The following CLEC2A variants were observed in gnomAD, a reference collection of about 807,000 sequenced individuals.
The protein encoded by CLEC2A is C-type lectin domain family 2 member A.
CLEC2A carries 19 observed loss-of-function variants against 18.6 expected under a neutral mutation model. The observed-to-expected ratio is 1.02, with a 90% CI of 0.71 to 1.50. CLEC2A has a LOEUF of 1.50. Ranked by LOEUF, CLEC2A falls within the 40% of genes most tolerant of loss-of-function variation. The probability of loss-of-function intolerance (pLI) is 0.00; values close to 1 mark genes in which losing one functional copy is unlikely to be tolerated. For synonymous variants in CLEC2A, 74 were observed against 64.0 expected, an observed-to-expected ratio of 1.16 and a Z score of -0.75; for missense variants, 190 against 207.9, an observed-to-expected ratio of 0.91 and a Z score of 0.53.
chr12:9,881,089 A>G, the CLEC2A span, among the ~76,000 whole-genome samples: 5 of 152,160 alleles, frequency 3.3e-5, no homozygotes, highest in African/African-American at 2.4e-5. Context: ...TTATTTTCCT[A>G]TTTTTGTCCC....
the CLEC2A span, among the ~76,000 whole-genome samples, chr12:9,884,087 G>C: frequency 1.3e-4 from 20 of 151,980 alleles, no homozygotes; most frequent in African/African-American, 4.8e-4. Flanking sequence ...GCATATAAAA[G>C]GAACCTGTCA....
downstream of CLEC2A, among the ~76,000 whole-genome samples, chr12:9,911,191 G>A (rs1481902994): frequency 2.0e-5 from 3 of 152,172 alleles, no homozygotes; most frequent in East Asian, 5.8e-4. Context: ...AAGGAGGGAA[G>A]AGAAGAGGGC....
intron 2 of CLEC2A, among the ~76,000 whole-genome samples, chr12:9,925,911 G>T (rs1051829678): frequency 6.6e-6 from 1 of 152,094 alleles, no homozygotes; most frequent in African/African-American, 2.4e-5. Context: ...CATTGTCTCC[G>T]GGATTGGCTT....
chr12:9,881,880 CGATGT>C, the CLEC2A span, among the ~76,000 whole-genome samples: 1 of 152,002 alleles, frequency 6.6e-6, no homozygotes, highest in Non-Finnish European at 1.5e-5. Context: ...GCGAATATGA[CGATGT>C]GTAATCCTGT....
downstream of CLEC2A, among the ~76,000 whole-genome samples, chr12:9,894,229 T>TCTGTGGCTCA (rs1370645131): frequency 9.9e-5 from 15 of 151,300 alleles, no homozygotes; most frequent in Non-Finnish European, 2.2e-4. Flanking sequence ...TGGCTCAGGC[T>TCTGTGGCTCA]GGAGTGCAGT....
downstream of CLEC2A, among the ~76,000 whole-genome samples, chr12:9,912,633 A>G (rs1470741396): frequency 6.7e-6 from 1 of 149,630 alleles, no homozygotes; most frequent in Non-Finnish European, 1.5e-5. Flanking sequence ...GTTTTAGAGG[A>G]TGAGTAAATC....
At chr12:9,915,708 G>A (rs1207639097) in intron 4 of CLEC2A, among the ~76,000 whole-genome samples, 3 of 152,056 alleles carry the variant, frequency 2.0e-5, no homozygotes, top group Admixed American at 6.5e-5. Context: ...AGTAGGGGGT[G>A]GGAGAAAGGG....
intron 4 of CLEC2A, among the ~76,000 whole-genome samples, chr12:9,905,918 C>A (rs1286739826): frequency 2.0e-5 from 3 of 152,082 alleles, no homozygotes; most frequent in Non-Finnish European, 4.4e-5. Flanking sequence ...TTTCAGGCAA[C>A]CGATTGGAGA....
In CLEC2A at chr12:9,931,735, T is replaced by C. The variant is rs528853796; in HGVS notation, c.55+540A>G. Among the ~76,000 whole-genome samples, 213 of 152,344 alleles carry C rather than the reference T, an allele frequency of 1.4e-3. 3 individuals are homozygous for C. Among genetic ancestry groups the C allele is most frequent in the African/African-American group, 4.9e-3 (203 of 41,586 alleles). On this transcript the variant is annotated intron_variant, in intron 1 of 4. Transcript: ENST00000455827. ...TGGCAGGCTTCCTATTCCAGTCATT[T>C]GGCATACAATTCATTCGTTTTCTTT... is the stretch of plus-strand genomic sequence containing the variant.
rs573411594 is a variant in CLEC2A at position 9,927,833 on chromosome 12, GT to G, written c.56-1491del. On this transcript the variant is annotated intron_variant, in intron 1 of 4. Transcript: ENST00000455827. ...GCTAAAGATAGAAAACATAAAATGT[GT>G]TTTTTTTTTCAAGATTAGGGAGAAA... Among the ~76,000 whole-genome samples, 781 of 145,984 alleles carry G rather than the reference GT, an allele frequency of 5.3e-3. 2 individuals are homozygous for G. The highest frequency in any genetic ancestry group is 0.012 in the South Asian group (53 of 4,292).
chr12:9,925,581 C>T (rs983428583), intron 2 of CLEC2A, among the ~76,000 whole-genome samples: 3 of 152,272 alleles, frequency 2.0e-5, no homozygotes, highest in African/African-American at 7.2e-5. Context: ...GTGTATTTAA[C>T]ATTAGCTCAC....
chr12:9,909,365 C>T (rs930002829), downstream of CLEC2A, among the ~76,000 whole-genome samples: 1 of 152,200 alleles, frequency 6.6e-6, no homozygotes, highest in Non-Finnish European at 1.5e-5. Flanking sequence ...AACGTTTTAA[C>T]TGGGGGGTGT....
the CLEC2A span, among the ~76,000 whole-genome samples, chr12:9,888,936 G>T: frequency 1.3e-5 from 2 of 152,140 alleles, no homozygotes; most frequent in East Asian, 3.8e-4. Flanking sequence ...CAGTGCCATT[G>T]CTGTGTATCA....
At chr12:9,892,765 G>A in the CLEC2A span, among the ~76,000 whole-genome samples, 1 of 151,440 alleles carries the variant, frequency 6.6e-6, no homozygotes, top group Non-Finnish European at 1.5e-5. Context: ...TGTATTTTTA[G>A]TAGAGACAGG....
the CLEC2A span, chr12:9,881,740 T>A: frequency 9.5e-7 from 1 of 1,052,944 alleles, no homozygotes; most frequent in Non-Finnish European, 1.4e-6. Flanking sequence ...TTAGAATATT[T>A]TTAACATCTT....
downstream of CLEC2A, chr12:9,895,750 T>C (rs2137007219): frequency 6.5e-7 from 1 of 1,535,922 alleles, no homozygotes; most frequent in East Asian, 2.4e-5. Context: ...AAACTGGGTG[T>C]ATTCTGAAGA....
intron 1 of CLEC2A, 75 bp from the exon 2 acceptor site, chr12:9,926,418 C>A: frequency 1.1e-6 from 1 of 876,416 alleles, no homozygotes; most frequent in Non-Finnish European, 1.8e-6. Context: ...GTGTATTCCT[C>A]TCCTATAATT....
chr12:9,886,165 T>G, the CLEC2A span, among the ~76,000 whole-genome samples: 2 of 152,198 alleles, frequency 1.3e-5, no homozygotes, highest in Non-Finnish European at 2.9e-5. Flanking sequence ...TAAAAATATT[T>G]TTTTCTAGCC....
At chr12:9,891,318 TTTC>T in the CLEC2A span, among the ~76,000 whole-genome samples, 1 of 152,192 alleles carries the variant, frequency 6.6e-6, no homozygotes. Flanking sequence ...TCATCCTGTA[TTTC>T]TTCTTCTTTT....
Sources: allele counts gnomAD v4.1 joint callset (sites outside exome capture counted in the v4.1 genomes callset), GRCh38; gene constraint gnomAD v4.1.1; transcripts MANE v1.5; gene names NCBI Gene and HGNC (gene_info 2026-07-23, HGNC 2026-07-21).